Variants in SCN11A observed in about 807,000 individuals in gnomAD.
The protein encoded by SCN11A is sodium channel protein type 11 subunit alpha.
SCN11A carries 122 observed loss-of-function variants against 162.2 expected under a neutral mutation model. The observed-to-expected ratio is 0.75, with a 90% confidence interval of 0.65 to 0.87. The LOEUF (loss-of-function observed/expected upper bound fraction) is 0.87, where lower values mean the gene tolerates loss of function less well. Among genes scored for constraint, SCN11A ranks in the 40% least tolerant of loss-of-function variants. The pLI is 0.00. For missense variants in SCN11A, 2,015 were observed against 2,181.6 expected (o/e 0.92, Z 1.52); for synonymous variants, 758 against 751.5 (o/e 1.01, Z -0.14).
At chr3:38,914,340 T>G (rs1355838055) in intron 11 of SCN11A, among the ~76,000 whole-genome samples, 1 of 152,186 alleles carries the variant, frequency 6.6e-6, no homozygotes, top group African/African-American at 2.4e-5. Context: ...ATTGATTTTG[T>G]GTCTTGAAAC....
chr3:38,939,267 TAA>T (rs2066404262), intron 7 of SCN11A, among the ~76,000 whole-genome samples: 1 of 151,916 alleles, frequency 6.6e-6, no homozygotes, highest in Non-Finnish European at 1.5e-5. Context: ...AAATAGAATT[TAA>T]GACATAGTTA....
intron 16 of SCN11A, among the ~76,000 whole-genome samples, chr3:38,901,191 A>C (rs1478322216): frequency 6.6e-6 from 1 of 152,262 alleles, no homozygotes; most frequent in African/African-American, 2.4e-5. Flanking sequence ...ATGATTTACT[A>C]TTTATTTTTA....
chr3:39,027,602 C>T (rs1416336404), intron 2 of SCN11A, among the ~76,000 whole-genome samples: 1 of 152,120 alleles, frequency 6.6e-6, no homozygotes, highest in African/African-American at 2.4e-5. Flanking sequence ...AAGTTTAGCC[C>T]CTTAAAACTA....
intron 7 of SCN11A, among the ~76,000 whole-genome samples, chr3:38,936,952 C>G (rs1348213300): frequency 6.6e-6 from 1 of 151,896 alleles, no homozygotes; most frequent in Non-Finnish European, 1.5e-5. Context: ...GGAGGCATCA[C>G]GCTACCTGAC....
intron 2 of SCN11A, among the ~76,000 whole-genome samples, chr3:38,965,933 T>C (rs2066779007): frequency 6.6e-6 from 1 of 151,966 alleles, no homozygotes; most frequent in Middle Eastern, 3.2e-3. Context: ...TGAGTTAGGA[T>C]TGTGCCACTT....
At chr3:39,051,389 G>C (rs935744732) in intron 1 of SCN11A, among the ~76,000 whole-genome samples, 1 of 152,056 alleles carries the variant, frequency 6.6e-6, no homozygotes, top group Admixed American at 6.5e-5. Context: ...TTGGTTTTCT[G>C]TTCCTTTGTT....
intron 2 of SCN11A, among the ~76,000 whole-genome samples, chr3:39,001,953 C>T (rs375684921): frequency 6.6e-6 from 1 of 151,956 alleles, no homozygotes; most frequent in Non-Finnish European, 1.5e-5. Flanking sequence ...AGGAGAATGG[C>T]GTGAACCCGG....
At chr3:38,878,337 G>C (rs2065254416) in intron 23 of SCN11A, among the ~76,000 whole-genome samples, 1 of 151,838 alleles carries the variant, frequency 6.6e-6, no homozygotes, top group African/African-American at 2.4e-5. Flanking sequence ...GCAATTTATA[G>C]TCCACATCCT....
At chr3:38,955,617 T>C (rs1410800144) in intron 3 of SCN11A, among the ~76,000 whole-genome samples, 1 of 152,232 alleles carries the variant, frequency 6.6e-6, no homozygotes, top group Non-Finnish European at 1.5e-5. Flanking sequence ...AAATACTTAA[T>C]TCTGAAAATT....
chr3:38,989,987 C>T (rs533147838), intron 2 of SCN11A, among the ~76,000 whole-genome samples: 1 of 152,232 alleles, frequency 6.6e-6, no homozygotes, highest in South Asian at 2.1e-4. Context: ...CAGTTTGCAC[C>T]TTTCCAATAA....
intron 2 of SCN11A, among the ~76,000 whole-genome samples, chr3:38,977,347 C>T (rs5006783): frequency 0.034 from 5,185 of 152,216 alleles, 228 homozygotes; most frequent in African/African-American, 0.1. Flanking sequence ...TCAGAAGACT[C>T]GGAGGGCTCC....
At chr3:39,022,054 C>G (rs76340949) in intron 2 of SCN11A, among the ~76,000 whole-genome samples, 1 of 152,104 alleles carries the variant, frequency 6.6e-6, no homozygotes, top group Non-Finnish European at 1.5e-5. Flanking sequence ...AAGGCTGCCC[C>G]TCCTTTTTTC....
At chr3:38,857,760 C>T (rs1166294083) in intron 28 of SCN11A, among the ~76,000 whole-genome samples, 1 of 151,938 alleles carries the variant, frequency 6.6e-6, no homozygotes, top group Non-Finnish European at 1.5e-5. Context: ...AATTAGATAA[C>T]CTATAAAGGA....
chr3:38,869,484 C>T (rs897092837), intron 26 of SCN11A, among the ~76,000 whole-genome samples: 2 of 151,918 alleles, frequency 1.3e-5, no homozygotes, highest in African/African-American at 4.8e-5. Context: ...AGTTAAGTAT[C>T]TACTGTTACC....
intron 7 of SCN11A, among the ~76,000 whole-genome samples, chr3:38,940,948 G>T (rs1209922800): frequency 6.6e-6 from 1 of 152,126 alleles, no homozygotes; most frequent in African/African-American, 2.4e-5. Context: ...ATATATATAA[G>T]GACAATTATT....
At chr3:38,970,516 A>G (rs1392666162) in intron 2 of SCN11A, among the ~76,000 whole-genome samples, 1 of 152,264 alleles carries the variant, frequency 6.6e-6, no homozygotes, top group Non-Finnish European at 1.5e-5. Context: ...GAAATTAAAA[A>G]TAGATACTAG....
At position 38,920,046 on chromosome 3, in the gene SCN11A, T is replaced by C. The variant is rs6779297; in HGVS notation, c.893-45A>G. The C allele has an allele frequency of 0.89, 1,243,099 of 1,404,466 alleles. 550,943 individuals carry two copies. Among genetic ancestry groups the C allele is most frequent in the African/African-American group, 0.91 (64,393 of 70,490 alleles). The allele number at this position is 1,404,466 out of a possible 1,614,324, so 87.0% of individuals were successfully genotyped here. On this transcript the variant is annotated intron_variant, in intron 10 of 29. Transcript: ENST00000302328. The stretch of plus-strand genomic sequence containing the variant: ...TAAATTCAGATTTTAAAAAAAACAT[T>C]GAAAGGAAAGAGAATAGTAAGTATG...
chr3:38,862,537 T>C (rs2064981072), intron 28 of SCN11A, among the ~76,000 whole-genome samples: 1 of 152,138 alleles, frequency 6.6e-6, no homozygotes. Flanking sequence ...GTGGTATATC[T>C]ACACCATGGA....
At chr3:38,861,267 C>T (rs1038243242) in intron 28 of SCN11A, among the ~76,000 whole-genome samples, 1 of 151,954 alleles carries the variant, frequency 6.6e-6, no homozygotes, top group Admixed American at 6.6e-5. Context: ...GGATACACAT[C>T]CCCTGCTCAT....
Sources: allele counts gnomAD v4.1 joint callset (sites outside exome capture counted in the v4.1 genomes callset), GRCh38; gene constraint gnomAD v4.1.1; transcripts MANE v1.5; gene names NCBI Gene and HGNC (gene_info 2026-07-23, HGNC 2026-07-21).